CNTN4: variants seen among roughly 807,000 people sequenced by gnomAD.
CNTN4 encodes contactin-4.
A neutral mutation model predicts 122.5 loss-of-function variants in CNTN4; 77 were observed. The observed-to-expected ratio is 0.63, with a 90% CI of 0.52 to 0.76. CNTN4 has a LOEUF of 0.76. CNTN4 is among the 30% of genes least tolerant of loss of function. The pLI, the probability that CNTN4 is intolerant of heterozygous loss-of-function variation, is 0.00. For missense variants in CNTN4, 1,256 were observed against 1,259.1 expected, an observed-to-expected ratio of 1.00 and a Z score of 0.04; for synonymous variants, 512 against 447.0, an observed-to-expected ratio of 1.15 and a Z score of -1.83.
At chr3:2,871,606 C>T (rs1436960739) in intron 8 of CNTN4, among the ~76,000 whole-genome samples, 1 of 151,888 alleles carries the variant, frequency 6.6e-6, no homozygotes, top group Non-Finnish European at 1.5e-5. Context: ...AGAGATCATG[C>T]AATTTTATAT....
chr3:2,256,906 A>G (rs750167390), intron 2 of CNTN4, among the ~76,000 whole-genome samples: 14 of 152,180 alleles, frequency 9.2e-5, no homozygotes, highest in Non-Finnish European at 2.1e-4. Context: ...TCAAGCCACC[A>G]TTGACTTTCT....
intron 3 of CNTN4, among the ~76,000 whole-genome samples, chr3:2,394,594 G>A (rs544596590): frequency 1.3e-5 from 2 of 152,220 alleles, no homozygotes; most frequent in East Asian, 3.9e-4. Flanking sequence ...AGGATGTGGA[G>A]CAACTAGAAC....
chr3:3,031,590 C>CT (rs941426573), intron 16 of CNTN4, among the ~76,000 whole-genome samples: 9 of 151,902 alleles, frequency 5.9e-5, no homozygotes, highest in South Asian at 2.1e-4. Context: ...CTATGACCCC[C>CT]CCGGCTGAGC....
chr3:3,021,678 G>T (rs1052398158), intron 14 of CNTN4, among the ~76,000 whole-genome samples: 2 of 152,162 alleles, frequency 1.3e-5, no homozygotes, highest in African/African-American at 4.8e-5. Context: ...CACTGTAAAT[G>T]AAAGATAAAT....
At chr3:2,351,172 T>TTA (rs1383972904) in intron 3 of CNTN4, among the ~76,000 whole-genome samples, 10 of 152,280 alleles carry the variant, frequency 6.6e-5, no homozygotes, top group South Asian at 6.2e-4. Flanking sequence ...TTCTCCATAA[T>TTA]TGGAGAACTA....
intron 2 of CNTN4, among the ~76,000 whole-genome samples, chr3:2,175,990 G>A (rs1283593490): frequency 6.6e-6 from 1 of 152,056 alleles, no homozygotes; most frequent in Non-Finnish European, 1.5e-5. Context: ...TGAAAATATG[G>A]TTTATTCCAT....
intron 6 of CNTN4, among the ~76,000 whole-genome samples, chr3:2,800,066 G>A (rs1330731383): frequency 1.5e-5 from 2 of 137,250 alleles, no homozygotes; most frequent in African/African-American, 5.3e-5. Context: ...GTTGGGTAAT[G>A]TGATGCCATC....
chr3:2,214,085 G>C (rs574744554), intron 2 of CNTN4, among the ~76,000 whole-genome samples: 12 of 152,226 alleles, frequency 7.9e-5, no homozygotes, highest in Admixed American at 7.2e-4. Flanking sequence ...CTTAACCTAA[G>C]TGGTCTCCAT....
intron 6 of CNTN4, among the ~76,000 whole-genome samples, chr3:2,752,719 A>G (rs1487909757): frequency 2.0e-5 from 3 of 151,996 alleles, no homozygotes; most frequent in African/African-American, 4.8e-5. Flanking sequence ...CCTCCTATCT[A>G]GCTGTAATTT....
At chr3:2,571,044 C>A (rs1166330308) in intron 3 of CNTN4, among the ~76,000 whole-genome samples, 1 of 134,610 alleles carries the variant, frequency 7.4e-6, no homozygotes, top group African/African-American at 2.7e-5. Context: ...TGTTCTGTGG[C>A]AGTTCTGTAT....
intron 9 of CNTN4, among the ~76,000 whole-genome samples, chr3:2,884,098 CT>C (rs35945793): frequency 0.071 from 10,388 of 146,550 alleles, 417 homozygotes; most frequent in African/African-American, 0.11. Context: ...ACAACAGTAA[CT>C]TTTTTTTTTT....
intron 2 of CNTN4, among the ~76,000 whole-genome samples, chr3:2,141,900 A>C (rs980331216): frequency 1.3e-5 from 2 of 152,166 alleles, no homozygotes; most frequent in African/African-American, 4.8e-5. Context: ...TTCAGTAATA[A>C]AGATTGAAAT....
At chr3:2,299,345 G>T (rs920750275) in intron 2 of CNTN4, among the ~76,000 whole-genome samples, 1 of 151,946 alleles carries the variant, frequency 6.6e-6, no homozygotes, top group African/African-American at 2.4e-5. Context: ...TTTTTTATTT[G>T]GGGTACGAGT....
chr3:2,848,980 G>T (rs1231712831), intron 7 of CNTN4, among the ~76,000 whole-genome samples: 2 of 152,144 alleles, frequency 1.3e-5, no homozygotes, highest in African/African-American at 4.8e-5. Flanking sequence ...TTAGAATGAG[G>T]TTACCAAGTC....
At chr3:2,404,914 G>A (rs971700852) in intron 3 of CNTN4, among the ~76,000 whole-genome samples, 1 of 152,136 alleles carries the variant, frequency 6.6e-6, no homozygotes, top group Non-Finnish European at 1.5e-5. Context: ...GATGGAGACA[G>A]TCATCCCCAT....
At chr3:2,149,382 G>T (rs948975717) in intron 2 of CNTN4, among the ~76,000 whole-genome samples, 4 of 152,140 alleles carry the variant, frequency 2.6e-5, no homozygotes, top group Non-Finnish European at 5.9e-5. Flanking sequence ...TCTGTAGAGG[G>T]ATACGTTGAG....
chr3:2,347,710 A>G (rs2044455740), intron 3 of CNTN4, among the ~76,000 whole-genome samples: 1 of 152,110 alleles, frequency 6.6e-6, no homozygotes, highest in Non-Finnish European at 1.5e-5. Context: ...ATGCCTGGCC[A>G]GGAAATACAA....
At chr3:2,219,508 A>G (rs1363556817) in intron 2 of CNTN4, among the ~76,000 whole-genome samples, 1 of 152,008 alleles carries the variant, frequency 6.6e-6, no homozygotes, top group Non-Finnish European at 1.5e-5. Context: ...CCTGTTTATT[A>G]TGTTGAGGCC....
chr3:2,267,462 T>C (rs189197172), intron 2 of CNTN4, among the ~76,000 whole-genome samples: 2 of 152,238 alleles, frequency 1.3e-5, no homozygotes, highest in Non-Finnish European at 2.9e-5. Context: ...AATATTTGAA[T>C]TGCATCCCAG....
Sources: gnomAD v4.1 joint callset for allele counts (sites outside exome capture counted in the v4.1 genomes callset) on GRCh38, gnomAD v4.1.1 for gene constraint, MANE v1.5 for transcripts, NCBI Gene and HGNC (gene_info 2026-07-23, HGNC 2026-07-21) for gene names.